YJU2: variants seen among roughly 807,000 people sequenced by gnomAD.
YJU2 encodes the protein splicing factor YJU2.
YJU2 carries 28 observed loss-of-function variants against 39.6 expected under a neutral mutation model. That is an observed-to-expected ratio of 0.71 (90% CI 0.52 to 0.97). YJU2 has a LOEUF of 0.97. YJU2 is among the 50% of genes least tolerant of loss of function. The pLI, the probability that YJU2 is intolerant of heterozygous loss-of-function variation, is 0.00. For synonymous variants in YJU2, 184 were observed against 182.4 expected (o/e 1.01, Z -0.07); for missense variants, 328 against 430.4 (o/e 0.76, Z 2.11).
chr19:4,247,477 G>A (rs923442103), intron 1 of YJU2: 52 of 298,858 alleles, frequency 1.7e-4, no homozygotes, highest in African/African-American at 1.1e-3. Flanking sequence ...AAATGCTGGC[G>A]GCCGTGTTTT....
Position 4,258,153 on chromosome 19 carries a change from C to T in YJU2, c.406-89C>T, listed in dbSNP as rs192270695. The T allele has an allele frequency of 9.4e-5, 140 of 1,497,268 alleles. 1 individual carries two copies. In the African/African-American group the frequency reaches 1.1e-3, roughly 12 times the overall value. The allele number at this position is 1,497,268 out of a possible 1,614,324, so 92.7% of individuals were successfully genotyped here. A position where few individuals can be genotyped will look rare whatever the true frequency, so the allele number is the denominator to read the frequency against. ...GAAACGTGGGGGTAGGGGTTCCTCC[C>T]GTGGCCCGCAGTGGCCCCCGAGGCC... On this transcript the variant is annotated intron_variant, in intron 4 of 7. Coordinates refer to ENST00000262962, the MANE Select transcript of YJU2 (RefSeq NM_018074.6).
intron 6 of YJU2, among the ~76,000 whole-genome samples, chr19:4,265,308 C>T (rs893818076): frequency 1.1e-4 from 16 of 151,974 alleles, no homozygotes; most frequent in South Asian, 2.1e-4. Flanking sequence ...AGTGCAGTGA[C>T]GCGATCACAG....
In YJU2 at chr19:4,249,413, T is replaced by G. The variant is rs566373254; in HGVS notation, c.125+85T>G. On this transcript the variant is annotated intron_variant, in intron 2 of 7. Coordinates refer to ENST00000262962, the MANE Select transcript of YJU2 (RefSeq NM_018074.6). Reference sequence around the variant, plus strand: ...ATCCACAGAGGTGACTCGTCCGGTGTTAAGACCAGATCACTGGTCTTAGAC... The same window carrying G: ...ATCCACAGAGGTGACTCGTCCGGTGGTAAGACCAGATCACTGGTCTTAGAC... The G allele has an allele frequency of 4.3e-5, 36 of 834,408 alleles. No individual in the cohort carries two copies. The African/African-American group carries it at 5.5e-4, about 13-fold the overall frequency. The allele number at this position is 834,408 out of a possible 1,614,324, so 51.7% of individuals were successfully genotyped here.
intron 5 of YJU2, among the ~76,000 whole-genome samples, chr19:4,260,623 G>C (rs1971063405): frequency 6.6e-6 from 1 of 152,114 alleles, no homozygotes; most frequent in Non-Finnish European, 1.5e-5. Flanking sequence ...TGTAGTCCTA[G>C]CTAACATTTT....
chr19:4,264,148 G>C, intron 6 of YJU2, among the ~76,000 whole-genome samples: 1 of 148,470 alleles, frequency 6.7e-6, no homozygotes, highest in East Asian at 2.1e-4. Flanking sequence ...TGTAGTCCCA[G>C]CTACTCAGGA....
At chr19:4,265,122 C>T (rs1294122690) in intron 6 of YJU2, among the ~76,000 whole-genome samples, 1 of 152,056 alleles carries the variant, frequency 6.6e-6, no homozygotes, top group Admixed American at 6.6e-5. Context: ...CAGTCTTGTG[C>T]CTCTACCTGA....
intron 4 of YJU2, among the ~76,000 whole-genome samples, 196 bp downstream of exon 4, chr19:4,254,685 T>G (rs60551017): frequency 0.37 from 56,188 of 151,570 alleles, 11,336 homozygotes; most frequent in African/African-American, 0.53. Flanking sequence ...TTTGGGAGGC[T>G]GAGGCGGGAG....
chr19:4,260,714 C>T (rs564978195), intron 5 of YJU2, among the ~76,000 whole-genome samples: 6 of 151,458 alleles, frequency 4.0e-5, no homozygotes, highest in South Asian at 2.1e-4. Flanking sequence ...CCCGTCTCAG[C>T]GTCCCAAAGA....
At chr19:4,264,674 A>G (rs1399714404) in intron 6 of YJU2, among the ~76,000 whole-genome samples, 1 of 151,844 alleles carries the variant, frequency 6.6e-6, no homozygotes, top group Non-Finnish European at 1.5e-5. Flanking sequence ...TTTAGTAGAG[A>G]TGGCGTTTCA....
chr19:4,258,562 T>G, intron 5 of YJU2, 139 bp downstream of exon 5: 1 of 1,350,922 alleles, frequency 7.4e-7, no homozygotes, highest in Non-Finnish European at 9.8e-7. Context: ...TCTCACTTTC[T>G]CCCTTGTGGC....
At chr19:4,254,677 T>C (rs558684467) in intron 4 of YJU2, among the ~76,000 whole-genome samples, 188 bp downstream of exon 4, 61 of 151,998 alleles carry the variant, frequency 4.0e-4, no homozygotes, top group Admixed American at 1.8e-3. Context: ...CTCAGCACTT[T>C]GGGAGGCTGA....
In YJU2 at chr19:4,264,059, G is replaced by C. The variant is rs1056346584; in HGVS notation, c.708+1945G>C. Among the ~76,000 whole-genome samples the C allele has an allele frequency of 2.6e-5, 4 of 151,734 alleles. No individual in the cohort carries two copies. In the South Asian group the frequency reaches 8.3e-4, roughly 32 times the overall value. The stretch of plus-strand genomic sequence containing the variant: ...GGGTGGATCACGAGGTCAGGAGATC[G>C]AGATCATCCTATCTAACACGGTGAA... On this transcript the variant is annotated intron_variant, in intron 6 of 7. Transcript: ENST00000262962.
intron 5 of YJU2, 42 bp downstream of exon 5, chr19:4,258,465 C>T: frequency 1.3e-6 from 2 of 1,543,556 alleles, no homozygotes; most frequent in Non-Finnish European, 1.8e-6. Flanking sequence ...CTCGCAGCCT[C>T]TGCCCCGGCA....
At chr19:4,258,216 C>G in intron 4 of YJU2, 26 bp from the exon 5 acceptor site, 1 of 1,548,786 alleles carries the variant, frequency 6.5e-7, no homozygotes, top group Non-Finnish European at 8.7e-7. Flanking sequence ...CCCATGCACT[C>G]AGCCCCGCCG....
intron 4 of YJU2, among the ~76,000 whole-genome samples, chr19:4,258,036 A>C (rs531869752): frequency 1.3e-5 from 2 of 152,216 alleles, no homozygotes; most frequent in South Asian, 4.1e-4. Context: ...GCTCAGCCCC[A>C]TGTGGTCACT....
At chr19:4,252,702 A>T (rs967973343) in intron 3 of YJU2, among the ~76,000 whole-genome samples, 70 of 152,258 alleles carry the variant, frequency 4.6e-4, no homozygotes, top group Non-Finnish European at 1.9e-4. Context: ...AGGGAGAAGG[A>T]TCGCTTAAAT....
chr19:4,256,964 A>G (rs1971026796), intron 4 of YJU2, among the ~76,000 whole-genome samples: 1 of 152,208 alleles, frequency 6.6e-6, no homozygotes. Flanking sequence ...GCCCCTGCTC[A>G]AGGGGAGGGG....
Position 4,253,931 on chromosome 19 carries a change from C to T in YJU2, c.271-424C>T, listed in dbSNP as rs1043184371. ...CATGTGATTCTCATGCCTCAGCCTC[C>T]AGAGTAGCTGGGATTACAGGCATGC... On this transcript the variant is annotated intron_variant, in intron 3 of 7. Transcript: ENST00000262962. Among the ~76,000 whole-genome samples, 9 of 152,118 alleles carry T rather than the reference C, an allele frequency of 5.9e-5. No individual in the cohort carries two copies. The South Asian group carries it at 6.2e-4, about 11-fold the overall frequency.
rs1445078123 is a variant in YJU2, at chr19:4,247,250, C to G, written c.24+80C>G. 4 of 1,307,008 alleles carry G rather than the reference C, an allele frequency of 3.1e-6. No individual in the cohort carries two copies. The African/African-American group carries it at 4.4e-5, about 14-fold the overall frequency. 81.0% of individuals were successfully genotyped at this position (1,307,008 alleles called of 1,614,324 possible). A position where few individuals can be genotyped will look rare whatever the true frequency, so the allele number is the denominator to read the frequency against. ...GGGAGAGGGAGGAGCTTCCTGAGAT[C>G]TCTTCTTTGGAACCCTTCTTTCCCA... On this transcript the variant is annotated intron_variant, in intron 1 of 7. Transcript: ENST00000262962.
Sources: gnomAD v4.1 joint callset for allele counts (sites outside exome capture counted in the v4.1 genomes callset) on GRCh38, gnomAD v4.1.1 for gene constraint, MANE v1.5 for transcripts, NCBI Gene and HGNC (gene_info 2026-07-23, HGNC 2026-07-21) for gene names.